BPNT1: variants seen among roughly 807,000 people sequenced by gnomAD.
The protein encoded by BPNT1 is 3'(2'),5'-bisphosphate nucleotidase 1.
In BPNT1, 28 loss-of-function variants were observed where a neutral mutation model predicts 36.9. The observed-to-expected ratio is 0.76, with a 90% confidence interval of 0.56 to 1.04. The LOEUF (loss-of-function observed/expected upper bound fraction) is 1.04, where lower values mean the gene tolerates loss of function less well. BPNT1 is among the 50% of genes least tolerant of loss of function. The pLI is 0.00. For missense variants in BPNT1, 313 were observed against 372.9 expected (o/e 0.84, Z 1.32); for synonymous variants, 119 against 130.9 (o/e 0.91, Z 0.62).
Position 220,058,586 on chromosome 1 carries a change from C to A in BPNT1, c.*258G>T. ...AACTCCTGTCACTCAGGCTGGAGTG[C>A]AGTGGCACGATCTCAGCTCACTGCA... On this transcript the variant is annotated 3_prime_UTR_variant, in exon 9 of 9. Coordinates refer to ENST00000322067, the MANE Select transcript of BPNT1 (RefSeq NM_006085.6). 1 of 874,618 alleles carries A rather than the reference C, an allele frequency of 1.1e-6. No individual in the cohort carries two copies. The highest frequency in any genetic ancestry group is 4.6e-5 in the Admixed American group (1 of 21,940). 54.2% of individuals were successfully genotyped at this position (874,618 alleles called of 1,614,324 possible). A position where few individuals can be genotyped will look rare whatever the true frequency, so the allele number is the denominator to read the frequency against.
chr1:220,070,291 T>A (rs1454112406), intron 4 of BPNT1, among the ~76,000 whole-genome samples: 2 of 152,198 alleles, frequency 1.3e-5, no homozygotes, highest in African/African-American at 4.8e-5. Flanking sequence ...TAACATTATG[T>A]GAATTTCTGA....
intron 7 of BPNT1, among the ~76,000 whole-genome samples, chr1:220,062,157 T>C (rs1663097140): frequency 1.3e-5 from 2 of 152,052 alleles, no homozygotes; most frequent in African/African-American, 4.8e-5. Context: ...TTTTTTATTA[T>C]TATACTTTAA....
intron 4 of BPNT1, among the ~76,000 whole-genome samples, chr1:220,072,164 C>T (rs943951786): frequency 5.3e-5 from 8 of 150,500 alleles, no homozygotes; most frequent in Non-Finnish European, 8.9e-5. Context: ...AGATCAAGAC[C>T]ATTCTGGCCA....
chr1:220,060,199 C>T (rs192403053), intron 7 of BPNT1, among the ~76,000 whole-genome samples: 138 of 152,134 alleles, frequency 9.1e-4, no homozygotes, highest in Non-Finnish European at 1.6e-3. Flanking sequence ...TAGAGGGCTG[C>T]GCATGGTGGC....
chr1:220,062,854 A>G lies in BPNT1; in HGVS notation c.575T>C (p.Ile192Thr). The part of the protein sequence containing the change: ...LKEVPAGKHI[I>T]TTTRSHSNKL... ...GTTGCTATGGGATCGAGTAGTTGTGATAATGTGTTTCCCAGCAGGGACTTC... is the reference window on the plus strand; with the variant it reads ...GTTGCTATGGGATCGAGTAGTTGTGGTAATGTGTTTCCCAGCAGGGACTTC... The change falls in exon 7 of 9, where the codon ATC becomes ACC. Residue 192 changes from isoleucine (I) to threonine (T), a missense_variant. Ile to Thr is a moderately conservative substitution (Grantham distance 89). Transcript: ENST00000322067. 6.2e-7 allele frequency: 1 copy of G among 1,614,118 alleles called. No homozygotes were observed. Among genetic ancestry groups the G allele is most frequent in the Non-Finnish European group, 8.5e-7 (1 of 1,180,012 alleles).
At chr1:220,065,775 A>G (rs1663478854) in intron 6 of BPNT1, among the ~76,000 whole-genome samples, 1 of 152,214 alleles carries the variant, frequency 6.6e-6, no homozygotes, top group Non-Finnish European at 1.5e-5. Flanking sequence ...TTTAGCTATT[A>G]TGGTGATGAT....
intron 7 of BPNT1, among the ~76,000 whole-genome samples, chr1:220,060,579 T>C (rs1460250964): frequency 6.6e-6 from 1 of 152,202 alleles, no homozygotes; most frequent in Non-Finnish European, 1.5e-5. Context: ...TAATAGATCC[T>C]AACAGATGTG....
At chr1:220,073,743 A>G (rs2102700298) in intron 3 of BPNT1, among the ~76,000 whole-genome samples, 1 of 152,290 alleles carries the variant, frequency 6.6e-6, no homozygotes, top group South Asian at 2.1e-4. Context: ...CAGTAACCAT[A>G]TCTTCTATGG....
At chr1:220,079,677 C>T (rs758881599) in intron 2 of BPNT1, 50 bp downstream of exon 2, 6 of 1,608,876 alleles carry the variant, frequency 3.7e-6, no homozygotes, top group Non-Finnish European at 5.1e-6. Flanking sequence ...TTAGCTAAAC[C>T]TCAAGAACAA....
intron 1 of BPNT1, among the ~76,000 whole-genome samples, chr1:220,083,926 T>C (rs1655460542): frequency 6.6e-6 from 1 of 152,124 alleles, no homozygotes. Flanking sequence ...ATATAATGTG[T>C]TTGTTTTATG....
At chr1:220,081,979 T>C (rs1311144168) in intron 1 of BPNT1, among the ~76,000 whole-genome samples, 1 of 150,078 alleles carries the variant, frequency 6.7e-6, no homozygotes, top group Non-Finnish European at 1.5e-5. Flanking sequence ...TATGGGGAAT[T>C]AACCTGTGAC....
At chr1:220,084,891 A>G (rs1316931774) in intron 1 of BPNT1, among the ~76,000 whole-genome samples, 1 of 152,230 alleles carries the variant, frequency 6.6e-6, no homozygotes, top group Non-Finnish European at 1.5e-5. Context: ...AAAGCACACA[A>G]TGATTTATAA....
chr1:220,082,114 AGAGAGAGT>A (rs1655216378), intron 1 of BPNT1, among the ~76,000 whole-genome samples: 1 of 143,824 alleles, frequency 7.0e-6, no homozygotes, highest in African/African-American at 2.6e-5. Context: ...AGAGAGAGAG[AGAGAGAGT>A]GTATATATAT....
At chr1:220,076,521 C>CA (rs913512629) in intron 2 of BPNT1, among the ~76,000 whole-genome samples, 9 of 133,552 alleles carry the variant, frequency 6.7e-5, no homozygotes, top group Admixed American at 4.5e-4. Context: ...AAAAAAAAGG[C>CA]AAAAAAATAC....
At chr1:220,061,585 G>C (rs1166072828) in intron 7 of BPNT1, among the ~76,000 whole-genome samples, 2 of 151,480 alleles carry the variant, frequency 1.3e-5, no homozygotes, top group African/African-American at 2.4e-5. Flanking sequence ...AGTAGGACCA[G>C]AGTGATAGGC....
chr1:220,085,801 G>A (rs1001235924), intron 1 of BPNT1, among the ~76,000 whole-genome samples: 3 of 152,152 alleles, frequency 2.0e-5, no homozygotes, highest in Non-Finnish European at 4.4e-5. Context: ...TAACACTTAA[G>A]GCCATCAACC....
chr1:220,077,054 A>G (rs986287500), intron 2 of BPNT1, among the ~76,000 whole-genome samples: 6 of 152,176 alleles, frequency 3.9e-5, no homozygotes, highest in Non-Finnish European at 7.3e-5. Flanking sequence ...ATTTTTTAAA[A>G]CTGTATGTTA....
At chr1:220,088,958 A>G (rs111400645) in intron 1 of BPNT1, among the ~76,000 whole-genome samples, 2 of 146,610 alleles carry the variant, frequency 1.4e-5, no homozygotes, top group Non-Finnish European at 3.0e-5. Flanking sequence ...AAAATTAGCC[A>G]GGCTTGGTGG....
chr1:220,088,002 C>T (rs553976852), intron 1 of BPNT1, among the ~76,000 whole-genome samples: 34 of 152,032 alleles, frequency 2.2e-4, no homozygotes, highest in African/African-American at 7.5e-4. Context: ...CTCAGCCTCC[C>T]GAGTAGCTGG....
Sources: allele counts gnomAD v4.1 joint callset (sites outside exome capture counted in the v4.1 genomes callset), GRCh38; gene constraint gnomAD v4.1.1; transcripts MANE v1.5; gene names NCBI Gene and HGNC (gene_info 2026-07-23, HGNC 2026-07-21).